The following RABGEF1 variants were observed in gnomAD, a reference collection of about 807,000 sequenced individuals.
The protein encoded by RABGEF1 is RAB guanine nucleotide exchange factor 1, also known as rab5 GDP/GTP exchange factor.
In RABGEF1, 26 loss-of-function variants were observed where a neutral mutation model predicts 57.3. That is an observed-to-expected ratio of 0.45 (90% confidence interval 0.33 to 0.63). The LOEUF is 0.63. Among genes scored for constraint, RABGEF1 ranks in the 20% least tolerant of loss-of-function variants. RABGEF1 has a pLI of 0.02. For synonymous variants in RABGEF1, 185 were observed against 210.7 expected, an observed-to-expected ratio of 0.88 and a Z score of 1.06; for missense variants, 464 against 607.6, an observed-to-expected ratio of 0.76 and a Z score of 2.48.
At chr7:66,800,040 T>A (rs1786921446) in intron 7 of RABGEF1, among the ~76,000 whole-genome samples, 1 of 152,058 alleles carries the variant, frequency 6.6e-6, no homozygotes, top group Non-Finnish European at 1.5e-5. Flanking sequence ...CAAAAAAAAA[T>A]CTTAATGGAG....
In RABGEF1 at chr7:66,760,909, G is replaced by A. The variant is rs116934109; in HGVS notation, c.-17-10974G>A. On this transcript the variant is annotated intron_variant, in intron 1 of 8. Coordinates refer to ENST00000284957, the MANE Select transcript of RABGEF1 (RefSeq NM_014504.3). ...CTCCCAAAGTGCTGGGATTGTAGGCGTGAACCATTGCACCTGGCCCTGGGG... is the reference window on the plus strand; with the variant it reads ...CTCCCAAAGTGCTGGGATTGTAGGCATGAACCATTGCACCTGGCCCTGGGG... Among the ~76,000 whole-genome samples the A allele has an allele frequency of 2.8e-3, 426 of 152,286 alleles. 17 individuals are homozygous for A. The East Asian group carries it at 0.076, about 27-fold the overall frequency.
intron 2 of RABGEF1, among the ~76,000 whole-genome samples, chr7:66,732,976 G>A (rs140097123): frequency 0.016 from 2,399 of 152,182 alleles, 26 homozygotes; most frequent in Non-Finnish European, 0.026. Flanking sequence ...AAGTCCAACC[G>A]TATGACTGTG....
At chr7:66,768,589 T>C (rs1413696692) in intron 1 of RABGEF1, among the ~76,000 whole-genome samples, 1 of 152,218 alleles carries the variant, frequency 6.6e-6, no homozygotes, top group Admixed American at 6.5e-5. Context: ...GGCTTTAATG[T>C]CAGTTCATTG....
At chr7:66,685,289 G>A (rs1240306190) in intron 1 of RABGEF1, among the ~76,000 whole-genome samples, 2 of 151,728 alleles carry the variant, frequency 1.3e-5, no homozygotes, top group Non-Finnish European at 2.9e-5. Flanking sequence ...GAGTACCTGG[G>A]AATATAGGCA....
intron 2 of RABGEF1, among the ~76,000 whole-genome samples, chr7:66,720,629 G>T (rs1476312484): frequency 6.6e-6 from 1 of 152,152 alleles, no homozygotes; most frequent in East Asian, 1.9e-4. Flanking sequence ...TTCTCCCTAA[G>T]ATTAGAAACA....
intron 2 of RABGEF1, among the ~76,000 whole-genome samples, chr7:66,772,864 A>T (rs1424671083): frequency 2.0e-5 from 3 of 151,680 alleles, no homozygotes; most frequent in African/African-American, 4.8e-5. Flanking sequence ...GTGAGCTGAG[A>T]TCATGCCACT....
chr7:66,752,962 A>C (rs540121491), intron 1 of RABGEF1, among the ~76,000 whole-genome samples: 3 of 152,224 alleles, frequency 2.0e-5, no homozygotes, highest in African/African-American at 7.2e-5. Context: ...GAAAACATCT[A>C]TTGAGCACCT....
At chr7:66,678,425 C>T (rs543585024), upstream of RABGEF1, among the ~76,000 whole-genome samples, 1 of 151,808 alleles carries the variant, frequency 6.6e-6, no homozygotes, top group South Asian at 2.1e-4. Flanking sequence ...ATTAGCCGGG[C>T]GTGGTGGCAG....
the RABGEF1 span, among the ~76,000 whole-genome samples, chr7:66,668,521 A>G: frequency 6.6e-6 from 1 of 152,152 alleles, no homozygotes; most frequent in Admixed American, 6.6e-5. Context: ...GGAGATGGAG[A>G]CCAGGTTGGA....
intron 1 of RABGEF1, among the ~76,000 whole-genome samples, chr7:66,697,725 G>A (rs969973070): frequency 6.6e-6 from 1 of 152,116 alleles, no homozygotes; most frequent in Non-Finnish European, 1.5e-5. Flanking sequence ...AGCGAGGTGG[G>A]GGGTGTTCAT....
intron 1 of RABGEF1, among the ~76,000 whole-genome samples, chr7:66,710,586 G>A (rs112372228): frequency 6.6e-6 from 1 of 152,302 alleles, no homozygotes; most frequent in African/African-American, 2.4e-5. Flanking sequence ...CTAAGGAGGT[G>A]TTTAGTGGTA....
chr7:66,798,107 A>C (rs1355720548), intron 6 of RABGEF1, among the ~76,000 whole-genome samples: 1 of 151,616 alleles, frequency 6.6e-6, no homozygotes, highest in African/African-American at 2.4e-5. Flanking sequence ...ACAGAGCAAG[A>C]CTCCTTCTCA....
intron 1 of RABGEF1, among the ~76,000 whole-genome samples, chr7:66,689,420 G>T (rs1791191724): frequency 6.6e-6 from 1 of 152,006 alleles, no homozygotes; most frequent in Non-Finnish European, 1.5e-5. Flanking sequence ...TATAAACATA[G>T]GTACAGCAGC....
chr7:66,775,932 T>C (rs555072031), intron 3 of RABGEF1, among the ~76,000 whole-genome samples: 1 of 152,294 alleles, frequency 6.6e-6, no homozygotes, highest in South Asian at 2.1e-4. Flanking sequence ...TTCCAGTGCA[T>C]GGATTTGTAT....
chr7:66,780,028 T>A (rs1243615172), intron 3 of RABGEF1, among the ~76,000 whole-genome samples: 1 of 152,200 alleles, frequency 6.6e-6, no homozygotes, highest in Admixed American at 6.5e-5. Flanking sequence ...TAATCCTCAT[T>A]TACATTTTAA....
intron 3 of RABGEF1, among the ~76,000 whole-genome samples, chr7:66,776,464 A>G (rs893160236): frequency 2.0e-5 from 3 of 152,222 alleles, no homozygotes; most frequent in African/African-American, 4.8e-5. Context: ...AGGCCAAGAC[A>G]GATGGATTAC....
intron 1 of RABGEF1, among the ~76,000 whole-genome samples, chr7:66,742,164 A>AT (rs1799140411): frequency 4.7e-5 from 7 of 149,456 alleles, no homozygotes; most frequent in African/African-American, 1.7e-4. Context: ...AAAAAAACTA[A>AT]GAGTCTGTTC....
At chr7:66,729,075 C>T (rs1309452125) in intron 2 of RABGEF1, among the ~76,000 whole-genome samples, 4 of 151,834 alleles carry the variant, frequency 2.6e-5, no homozygotes, top group South Asian at 2.1e-4. Flanking sequence ...CTCAGCCTCC[C>T]GAGTAGCTGG....
intron 1 of RABGEF1, among the ~76,000 whole-genome samples, chr7:66,692,819 A>G (rs535145705): frequency 6.6e-6 from 1 of 152,120 alleles, no homozygotes; most frequent in Non-Finnish European, 1.5e-5. Flanking sequence ...GACTCCAAAA[A>G]AGGAAGTGAT....
Sources: allele counts gnomAD v4.1 joint callset (sites outside exome capture counted in the v4.1 genomes callset), GRCh38; gene constraint gnomAD v4.1.1; transcripts MANE v1.5; gene names NCBI Gene and HGNC (gene_info 2026-07-23, HGNC 2026-07-21).